Variants in DGKB observed in about 807,000 individuals in gnomAD.
DGKB encodes diacylglycerol kinase beta, also known as 90 kDa diacylglycerol kinase.
A neutral mutation model predicts 114.3 loss-of-function variants in DGKB; 67 were observed. That is an observed-to-expected ratio of 0.59 (90% CI 0.48 to 0.72). The LOEUF (loss-of-function observed/expected upper bound fraction) is 0.72. DGKB is among the 30% of genes least tolerant of loss of function. DGKB has a pLI of 0.00. For synonymous variants in DGKB, 398 were observed against 323.1 expected, an observed-to-expected ratio of 1.23 and a Z score of -2.49; for missense variants, 907 against 975.2, an observed-to-expected ratio of 0.93 and a Z score of 0.93.
intron 21 of DGKB, among the ~76,000 whole-genome samples, chr7:14,423,427 C>T (rs560440528): frequency 1.5e-4 from 23 of 152,034 alleles, no homozygotes; most frequent in Middle Eastern, 3.4e-3. Flanking sequence ...AGGTTTTAAA[C>T]GGTCTCCTAA....
chr7:14,417,267 T>C (rs1309729981), intron 21 of DGKB, among the ~76,000 whole-genome samples: 1 of 152,060 alleles, frequency 6.6e-6, no homozygotes, highest in Non-Finnish European at 1.5e-5. Context: ...AGATTTAGTG[T>C]AAACTTGTTC....
chr7:14,454,869 T>C lies in DGKB; in HGVS notation c.1835+23292A>G, dbSNP rs374465642. Among the ~76,000 whole-genome samples, 2 of 152,076 alleles carry C rather than the reference T, an allele frequency of 1.3e-5. 1 individual carries two copies. Among genetic ancestry groups the C allele is most frequent in the South Asian group, 4.1e-4 (2 of 4,832 alleles). On this transcript the variant is annotated intron_variant, in intron 21 of 25. Transcript: ENST00000402815. ...TGTATTATTCAATTTAATTTAATAG[T>C]ATAACAATCCTGAGAACTAAGAATC...
chr7:14,427,861 TA>T (rs1827813070), intron 21 of DGKB, among the ~76,000 whole-genome samples: 1 of 152,086 alleles, frequency 6.6e-6, no homozygotes, highest in African/African-American at 2.4e-5. Context: ...GACACAACCA[TA>T]CCACAATGTT....
At chr7:14,752,587 C>T (rs575808080) in intron 4 of DGKB, among the ~76,000 whole-genome samples, 21 of 152,268 alleles carry the variant, frequency 1.4e-4, no homozygotes, top group Admixed American at 3.9e-4. Context: ...CTTGAACACC[C>T]TCAGTTTTGT....
chr7:14,512,965 T>C (rs1211560419), intron 20 of DGKB, among the ~76,000 whole-genome samples: 2 of 152,082 alleles, frequency 1.3e-5, no homozygotes, highest in African/African-American at 2.4e-5. Flanking sequence ...CAAGTAATTG[T>C]TGAAAATTTA....
At chr7:14,570,705 TTGAG>T (rs1563546038) in intron 20 of DGKB, among the ~76,000 whole-genome samples, 1 of 152,034 alleles carries the variant, frequency 6.6e-6, no homozygotes, top group Non-Finnish European at 1.5e-5. Context: ...CATCTTCAGA[TTGAG>T]TAAGTTAAAG....
At chr7:14,437,967 T>C (rs1829527127) in intron 21 of DGKB, among the ~76,000 whole-genome samples, 1 of 151,940 alleles carries the variant, frequency 6.6e-6, no homozygotes, top group Non-Finnish European at 1.5e-5. Context: ...AAAAATTCTT[T>C]CATTGCTGCG....
chr7:14,696,107 C>A (rs1422383039), intron 8 of DGKB, among the ~76,000 whole-genome samples: 1 of 152,124 alleles, frequency 6.6e-6, no homozygotes, highest in African/African-American at 2.4e-5. Context: ...CTCCTAGCAT[C>A]CTGATGTCCT....
intron 17 of DGKB, among the ~76,000 whole-genome samples, chr7:14,589,001 T>C (rs1023830957): frequency 6.6e-6 from 1 of 152,108 alleles, no homozygotes; most frequent in Non-Finnish European, 1.5e-5. Context: ...ACGTATAATA[T>C]GAATTAAGTT....
chr7:14,731,300 A>T (rs1262749247), intron 5 of DGKB, among the ~76,000 whole-genome samples: 2 of 152,188 alleles, frequency 1.3e-5, no homozygotes, highest in Admixed American at 1.3e-4. Context: ...TTCCATCTAA[A>T]ATACAGTACG....
Position 14,880,623 on chromosome 7 carries a change from A to C in DGKB, c.-188+21969T>G, listed in dbSNP as rs1045783092. Among the ~76,000 whole-genome samples, 8 of 152,208 alleles carry C rather than the reference A, an allele frequency of 5.3e-5. No individual in the cohort carries two copies. In the South Asian group the frequency reaches 1.2e-3, roughly 24 times the overall value. ...ATCCTCATGCCATAAGAAGCCCCTC[A>C]AGACTTTGAGCAGGGAAGCTGAGAT... On this transcript the variant is annotated intron_variant, in intron 1 of 25. Transcript: ENST00000402815.
Position 14,786,629 on chromosome 7 carries a change from T to G in DGKB, c.71-28898A>C, listed in dbSNP as rs373834629. Among the ~76,000 whole-genome samples the G allele has an allele frequency of 6.6e-5, 10 of 152,364 alleles. No homozygotes were observed. In the East Asian group the frequency reaches 1.9e-3, roughly 29 times the overall value. On this transcript the variant is annotated intron_variant, in intron 2 of 25. Coordinates refer to ENST00000402815, the MANE Select transcript of DGKB (RefSeq NM_001350709.2). ...TGTGCTCAGAAGTACCTGCTCTCAC[T>G]GCCTGGCTTCTCCTCGCTCCTGGCA...
chr7:14,481,596 T>G (rs965107510), intron 20 of DGKB, among the ~76,000 whole-genome samples: 2 of 151,990 alleles, frequency 1.3e-5, no homozygotes, highest in Non-Finnish European at 2.9e-5. Flanking sequence ...TTTTCCATTT[T>G]AGAATAGAAT....
chr7:14,177,274 A>C lies in DGKB; in HGVS notation c.2244-375T>G, dbSNP rs78693178. Among the ~76,000 whole-genome samples, 210 of 152,142 alleles carry C rather than the reference A, an allele frequency of 1.4e-3. 1 individual carries two copies. In the East Asian group the frequency reaches 0.028, roughly 21 times the overall value. On this transcript the variant is annotated intron_variant, in intron 24 of 25. Coordinates refer to ENST00000402815, the MANE Select transcript of DGKB (RefSeq NM_001350709.2). ...TTCTCCCAGTTCTTCTAGCACCAAC[A>C]CTTCCAGATAAATAACATCAATTAT...
intron 23 of DGKB, among the ~76,000 whole-genome samples, chr7:14,230,218 T>C (rs1023118754): frequency 1.3e-5 from 2 of 152,050 alleles, no homozygotes; most frequent in African/African-American, 4.8e-5. Context: ...CTTCATTCTT[T>C]TACTTGGCAA....
chr7:14,918,588 C>T (rs530611845), intron 1 of DGKB, among the ~76,000 whole-genome samples: 1 of 151,828 alleles, frequency 6.6e-6, no homozygotes, highest in African/African-American at 2.4e-5. Flanking sequence ...ATGAAATTTA[C>T]AAAGTCCTAA....
At chr7:14,720,842 T>G (rs1022991971) in intron 5 of DGKB, among the ~76,000 whole-genome samples, 2 of 147,600 alleles carry the variant, frequency 1.4e-5, no homozygotes, top group African/African-American at 5.0e-5. Flanking sequence ...AAGACAATCC[T>G]GAGCTTTAAA....
At chr7:14,194,833 T>A (rs1311786483) in intron 23 of DGKB, among the ~76,000 whole-genome samples, 1 of 152,022 alleles carries the variant, frequency 6.6e-6, no homozygotes, top group Non-Finnish European at 1.5e-5. Context: ...AATTCTGAAC[T>A]CCTTTAAACG....
At chr7:14,660,901 A>G (rs1816924505) in intron 13 of DGKB, among the ~76,000 whole-genome samples, 1 of 151,862 alleles carries the variant, frequency 6.6e-6, no homozygotes, top group African/African-American at 2.4e-5. Flanking sequence ...ATAATGCCAC[A>G]TATCTACAAC....
Sources: allele counts gnomAD v4.1 joint callset (sites outside exome capture counted in the v4.1 genomes callset), GRCh38; gene constraint gnomAD v4.1.1; transcripts MANE v1.5; gene names NCBI Gene and HGNC (gene_info 2026-07-23, HGNC 2026-07-21).